Variants in SLC12A2 observed in about 807,000 individuals in gnomAD.
SLC12A2 encodes solute carrier family 12 member 2.
In SLC12A2, 67 loss-of-function variants were observed where a neutral mutation model predicts 136.3. That is an observed-to-expected ratio of 0.49 (90% confidence interval 0.40 to 0.60). SLC12A2 has a LOEUF of 0.60. Among genes scored for constraint, SLC12A2 ranks in the 20% least tolerant of loss-of-function variants. The pLI is 0.00. For missense variants in SLC12A2, 1,322 were observed against 1,534.7 expected, an observed-to-expected ratio of 0.86 and a Z score of 2.32; for synonymous variants, 619 against 562.9, an observed-to-expected ratio of 1.10 and a Z score of -1.41.
intron 17 of SLC12A2, among the ~76,000 whole-genome samples, chr5:128,163,168 A>AAAT (rs1385211895): frequency 6.6e-6 from 1 of 152,164 alleles, no homozygotes; most frequent in Non-Finnish European, 1.5e-5. Flanking sequence ...TTTGGTTTGA[A>AAAT]TATTCTAGGA....
At chr5:128,114,778 A>G in intron 4 of SLC12A2, 97 bp downstream of exon 4, 1 of 763,136 alleles carries the variant, frequency 1.3e-6, no homozygotes, top group South Asian at 1.7e-5. Context: ...AACTGAAGCA[A>G]CATATTAAGT....
intron 4 of SLC12A2, among the ~76,000 whole-genome samples, chr5:128,121,583 A>G (rs1032149247): frequency 4.6e-5 from 7 of 151,928 alleles, no homozygotes; most frequent in African/African-American, 1.5e-4. Context: ...CAGCCTCCCA[A>G]AGTGCTGGGA....
chr5:128,112,126 C>G (rs967730004), intron 1 of SLC12A2, among the ~76,000 whole-genome samples: 1 of 151,884 alleles, frequency 6.6e-6, no homozygotes, highest in Non-Finnish European at 1.5e-5. Context: ...TCAAGAAGCA[C>G]TGAAAGAGAA....
chr5:128,130,514 C>CAA lies in SLC12A2; in HGVS notation c.1049-533_1049-532dup, dbSNP rs565322518. On this transcript the variant is annotated intron_variant, in intron 4 of 26. Transcript: ENST00000262461. ...TGGGTGACAGAGCAAGACTCTGTCT[C>CAA]AAAAAAAAAAAAAAAAAAAAAGTCC... Among the ~76,000 whole-genome samples the CAA allele has an allele frequency of 6.1e-3, 492 of 81,284 alleles. 11 individuals carry two copies. Among genetic ancestry groups the CAA allele is most frequent in the Non-Finnish European group, 7.0e-3 (299 of 42,692 alleles). 53.3% of individuals were successfully genotyped at this position (81,284 alleles called of 152,430 possible). A position where few individuals can be genotyped will look rare whatever the true frequency, so the allele number is the denominator to read the frequency against.
At chr5:128,116,473 C>A (rs1344623978) in intron 4 of SLC12A2, among the ~76,000 whole-genome samples, 1 of 151,276 alleles carries the variant, frequency 6.6e-6, no homozygotes, top group South Asian at 2.1e-4. Flanking sequence ...CTGTCCTGGA[C>A]TGCCAGGGAA....
chr5:128,135,418 G>A (rs2126703737), intron 6 of SLC12A2, among the ~76,000 whole-genome samples: 1 of 152,188 alleles, frequency 6.6e-6, no homozygotes, highest in Middle Eastern at 3.4e-3. Context: ...GTGCTTTATG[G>A]TTTGTGGGAA....
intron 6 of SLC12A2, among the ~76,000 whole-genome samples, chr5:128,135,375 A>G (rs1762152086): frequency 6.6e-6 from 1 of 152,120 alleles, no homozygotes; most frequent in African/African-American, 2.4e-5. Context: ...TGAATGATCT[A>G]GAATGAAAGC....
chr5:128,146,737 A>C (rs910183299), intron 10 of SLC12A2, among the ~76,000 whole-genome samples: 1 of 151,714 alleles, frequency 6.6e-6, no homozygotes, highest in South Asian at 2.1e-4. Context: ...TTCGCTGGAA[A>C]TATTTCCACA....
chr5:128,169,517 T>A (rs1283746946), intron 18 of SLC12A2: 1 of 152,204 alleles, frequency 6.6e-6, no homozygotes, highest in Non-Finnish European at 1.5e-5. Flanking sequence ...ATTTACCAAC[T>A]AATCGTTAAA....
chr5:128,118,664 A>AGG (rs1761442196), intron 4 of SLC12A2, among the ~76,000 whole-genome samples: 1 of 152,178 alleles, frequency 6.6e-6, no homozygotes. Flanking sequence ...AAAATCTCAG[A>AGG]AATCACCATT....
At chr5:128,173,618 C>A (rs1763450744) in intron 19 of SLC12A2, among the ~76,000 whole-genome samples, 2 of 152,224 alleles carry the variant, frequency 1.3e-5, no homozygotes, top group South Asian at 2.1e-4. Flanking sequence ...GTAGCCTAGG[C>A]AAATTTGATG....
chr5:128,159,307 G>C (rs970339748), intron 16 of SLC12A2, among the ~76,000 whole-genome samples: 2 of 152,100 alleles, frequency 1.3e-5, no homozygotes, highest in African/African-American at 4.8e-5. Flanking sequence ...AACCCTGTAA[G>C]AAAACATAGG....
chr5:128,110,900 C>T (rs1382809384), intron 1 of SLC12A2: 12 of 1,082,790 alleles, frequency 1.1e-5, no homozygotes, highest in Middle Eastern at 2.5e-4. Flanking sequence ...GTGAGTGGGC[C>T]GCAAATCTGA....
chr5:128,179,750 C>T (rs572370880), intron 22 of SLC12A2, among the ~76,000 whole-genome samples: 23 of 152,168 alleles, frequency 1.5e-4, no homozygotes, highest in African/African-American at 5.5e-4. Context: ...ATGATCCAAA[C>T]ACCTCCCACT....
intron 15 of SLC12A2, among the ~76,000 whole-genome samples, chr5:128,154,807 A>G (rs1581118677): frequency 6.6e-6 from 1 of 152,162 alleles, no homozygotes; most frequent in Non-Finnish European, 1.5e-5. Flanking sequence ...TAACTTTTAC[A>G]GTTTGAAGTG....
At chr5:128,140,949 A>C (rs1321893273) in intron 9 of SLC12A2, among the ~76,000 whole-genome samples, 1 of 149,966 alleles carries the variant, frequency 6.7e-6, no homozygotes, top group Non-Finnish European at 1.5e-5. Flanking sequence ...AGTTCTGTTT[A>C]TTCAATTTTT....
At chr5:128,133,324 T>C (rs535053079) in intron 5 of SLC12A2, among the ~76,000 whole-genome samples, 1 of 152,208 alleles carries the variant, frequency 6.6e-6, no homozygotes, top group South Asian at 2.1e-4. Context: ...TTTGGATCTT[T>C]GGATCTAGGG....
At chr5:128,111,001 G>T in intron 1 of SLC12A2, 2 of 726,344 alleles carry the variant, frequency 2.8e-6, no homozygotes, top group Admixed American at 3.9e-5. Context: ...ACTCTGATAT[G>T]CAAAATAACT....
intron 4 of SLC12A2, among the ~76,000 whole-genome samples, chr5:128,130,514 CAAAAA>C (rs565322518): frequency 3.7e-5 from 3 of 81,474 alleles, no homozygotes; most frequent in African/African-American, 9.7e-5. Context: ...GACTCTGTCT[CAAAAA>C]AAAAAAAAAA....
Sources: gnomAD v4.1 joint callset for allele counts (sites outside exome capture counted in the v4.1 genomes callset) on GRCh38, gnomAD v4.1.1 for gene constraint, MANE v1.5 for transcripts, NCBI Gene and HGNC (gene_info 2026-07-23, HGNC 2026-07-21) for gene names.